GABRR1: variants seen among roughly 807,000 people sequenced by gnomAD.
GABRR1 encodes gamma-aminobutyric acid type A receptor subunit rho1.
A neutral mutation model predicts 55.5 loss-of-function variants in GABRR1; 59 were observed. The ratio of observed to expected loss-of-function variants is 1.06; its 90% CI spans 0.86 to 1.32. The LOEUF (loss-of-function observed/expected upper bound fraction) is 1.32, where lower values mean the gene tolerates loss of function less well. Among genes scored for constraint, GABRR1 ranks in the 40% most tolerant of loss-of-function variants. The probability of loss-of-function intolerance (pLI) is 0.00; values close to 1 mark genes in which losing one functional copy is unlikely to be tolerated. For synonymous variants in GABRR1, 213 were observed against 226.0 expected (o/e 0.94, Z 0.51); for missense variants, 602 against 619.1 (o/e 0.97, Z 0.29).
At chr6:89,193,392 CT>C (rs59412876) in intron 5 of GABRR1, among the ~76,000 whole-genome samples, 2 of 151,342 alleles carry the variant, frequency 1.3e-5, no homozygotes, top group African/African-American at 2.4e-5. Context: ...TTAGATCTCT[CT>C]TTTTTTTTCA....
chr6:89,178,728 G>A lies in GABRR1; in HGVS notation c.*42C>T, dbSNP rs767596578. 19 of 1,519,600 alleles carry A rather than the reference G, an allele frequency of 1.3e-5. No homozygotes were observed. The highest frequency in any genetic ancestry group is 1.7e-5 in the Non-Finnish European group (19 of 1,096,234). The allele number at this position is 1,519,600 out of a possible 1,614,324, so 94.1% of individuals were successfully genotyped here. The stretch of plus-strand genomic sequence containing the variant: ...TTTTCATTATACAGTTATTTCTGTA[G>A]TGCATGCCATGGAAATGTGAAATTT... On this transcript the variant is annotated 3_prime_UTR_variant, in exon 10 of 10. Transcript: ENST00000454853.
At chr6:89,220,458 A>G (rs1435821882), upstream of GABRR1, among the ~76,000 whole-genome samples, 1 of 152,184 alleles carries the variant, frequency 6.6e-6, no homozygotes, top group African/African-American at 2.4e-5. Flanking sequence ...TGAGCCAACC[A>G]TGCATCCCTC....
At chr6:89,209,187 T>C (rs974559582) in intron 1 of GABRR1, among the ~76,000 whole-genome samples, 2 of 152,192 alleles carry the variant, frequency 1.3e-5, no homozygotes, top group Admixed American at 1.3e-4. Context: ...CCCTTTTTTT[T>C]CCTTGTACAT....
intron 1 of GABRR1, among the ~76,000 whole-genome samples, chr6:89,223,917 C>T (rs1443852103): frequency 6.6e-6 from 1 of 151,698 alleles, no homozygotes; most frequent in Admixed American, 6.6e-5. Context: ...GCATATGCCA[C>T]CATGCCCAGC....
Position 89,179,012 on chromosome 6 carries a change from T to C in GABRR1, c.1198A>G (p.Asn400Asp), listed in dbSNP as rs1184014807. The change falls in exon 10 of 10, where the codon AAC (asparagine) becomes GAC (aspartate). Residue 400 changes from asparagine (N) to aspartate (D), a missense_variant. This residue lies in a region of GABRR1 where 139 missense variants were observed against 141.1 expected (regional missense o/e 0.99). Coordinates refer to ENST00000454853, the MANE Select transcript of GABRR1 (RefSeq NM_002042.5). ...TCATTCACCTCCCCATCACTGTAGT[T>C]GCCGTCCAGCATCGCAGTGCGGGGC... ...PPPRTAMLDG[N>D]YSDGEVNDLD... The C allele has an allele frequency of 6.2e-7, 1 of 1,614,032 alleles. No individual in the cohort carries two copies. The highest frequency in any genetic ancestry group is 1.7e-5 in the Admixed American group (1 of 59,998).
At chr6:89,207,997 G>A (rs964808176) in intron 1 of GABRR1, among the ~76,000 whole-genome samples, 1 of 152,190 alleles carries the variant, frequency 6.6e-6, no homozygotes, top group Non-Finnish European at 1.5e-5. Context: ...AAGGGATTAG[G>A]CAATGAGATG....
intron 1 of GABRR1, among the ~76,000 whole-genome samples, chr6:89,210,601 TAC>T (rs982776173): frequency 1.3e-5 from 2 of 152,170 alleles, no homozygotes; most frequent in Non-Finnish European, 2.9e-5. Context: ...CTATTTTGCT[TAC>T]CATTGCCTCC....
intron 6 of GABRR1, 44 bp from the exon 7 acceptor site, chr6:89,185,494 A>G (rs767170089): frequency 6.4e-7 from 1 of 1,569,876 alleles, no homozygotes; most frequent in African/African-American, 1.3e-5. Flanking sequence ...TGGTGGCAAG[A>G]CAGGATGGTC....
intron 5 of GABRR1, among the ~76,000 whole-genome samples, chr6:89,192,099 G>T (rs1419074465): frequency 6.6e-6 from 1 of 151,974 alleles, no homozygotes; most frequent in Non-Finnish European, 1.5e-5. Flanking sequence ...GCCTATCTCC[G>T]ATCTCTTCCC....
rs771862846 is a variant in GABRR1 at position 89,198,150 on chromosome 6, G to A, written c.442C>T (p.Arg148Trp). ...TNNLSMTFDG[R>W]LVKKIWVPDM... Reference sequence around the variant, plus strand: ...GGGACCCAGATCTTCTTGACCAGCCGGCCGTCAAACGTCATGCTGAGGTTG... The same window carrying A: ...GGGACCCAGATCTTCTTGACCAGCCAGCCGTCAAACGTCATGCTGAGGTTG... The change falls in exon 5 of 10, where the codon CGG (arginine) becomes TGG (tryptophan). Residue 148 changes from arginine (R) to tryptophan (W), a missense_variant. Arg to Trp is a moderately radical substitution (Grantham distance 101, BLOSUM62 -3). This residue lies in a region of GABRR1 where 435 missense variants were observed against 424.2 expected (regional missense o/e 1.03). Transcript: ENST00000454853. 23 of 1,614,004 alleles carry A rather than the reference G, an allele frequency of 1.4e-5. 1 individual carries two copies. Among genetic ancestry groups the A allele is most frequent in the Middle Eastern group, 3.3e-4 (2 of 6,060 alleles).
intron 9 of GABRR1, among the ~76,000 whole-genome samples, chr6:89,179,828 G>A (rs1771661504): frequency 6.6e-6 from 1 of 152,142 alleles, no homozygotes. Context: ...AGAGTCAGGT[G>A]GGAGGAAAGA....
At chr6:89,179,902 A>T (rs1771663981) in intron 9 of GABRR1, among the ~76,000 whole-genome samples, 1 of 152,072 alleles carries the variant, frequency 6.6e-6, no homozygotes, top group Non-Finnish European at 1.5e-5. Flanking sequence ...TAGAATGAGA[A>T]ATGTTCTTCC....
At chr6:89,205,288 C>T (rs1772607134) in intron 1 of GABRR1, among the ~76,000 whole-genome samples, 1 of 152,192 alleles carries the variant, frequency 6.6e-6, no homozygotes, top group African/African-American at 2.4e-5. Flanking sequence ...GATTTGCCTC[C>T]CACTGCCAGG....
At chr6:89,216,026 C>T (rs1456829376) in intron 1 of GABRR1, among the ~76,000 whole-genome samples, 1 of 152,218 alleles carries the variant, frequency 6.6e-6, no homozygotes, top group African/African-American at 2.4e-5. Flanking sequence ...CACCAATCCA[C>T]AAGTTCCAGT....
At chr6:89,221,773 C>A (rs1280536560), upstream of GABRR1, among the ~76,000 whole-genome samples, 3 of 151,920 alleles carry the variant, frequency 2.0e-5, no homozygotes, top group Admixed American at 2.0e-4. Flanking sequence ...GGATAAGGGA[C>A]AAATAAAAAG....
intron 1 of GABRR1, among the ~76,000 whole-genome samples, chr6:89,223,767 G>GT (rs35485745): frequency 0.028 from 3,749 of 135,262 alleles, 73 homozygotes; most frequent in East Asian, 0.066. Flanking sequence ...TGCATTGTGG[G>GT]TTTTTTTTTT....
chr6:89,195,470 A>T (rs1201297308), intron 5 of GABRR1, among the ~76,000 whole-genome samples: 1 of 152,186 alleles, frequency 6.6e-6, no homozygotes, highest in Non-Finnish European at 1.5e-5. Flanking sequence ...CTCCAAAAAA[A>T]AAAAAGCTCC....
At chr6:89,205,699 G>A (rs1772618751) in intron 1 of GABRR1, 1 of 152,214 alleles carries the variant, frequency 6.6e-6, no homozygotes, top group Admixed American at 6.5e-5. Context: ...TTCAGCTAAT[G>A]GCCGAGCATC....
At position 89,180,447 on chromosome 6, in the gene GABRR1, C is replaced by T. The variant is rs772700915; in HGVS notation, c.991G>A (p.Val331Met). The T allele has an allele frequency of 1.9e-5, 31 of 1,613,870 alleles. No homozygotes were observed. The highest frequency in any genetic ancestry group is 3.3e-5 in the Admixed American group (2 of 59,978). The part of the protein sequence containing the change: ...VLTMSTIITG[V>M]NASMPRVSYI... The stretch of plus-strand genomic sequence containing the variant: ...GAGACGCGCGGCATGGAGGCATTCA[C>T]GCCCGTGATGATGGTGGACATGGTC... The change falls in exon 9 of 10, where the codon GTG becomes ATG. Residue 331 changes from valine (V) to methionine (M), a missense_variant. Val to Met is a conservative substitution (Grantham distance 21). Around this residue, in one of 3 missense-constraint regions of GABRR1, gnomAD observed 435 missense variants for 424.2 expected, o/e 1.03. Coordinates refer to ENST00000454853, the MANE Select transcript of GABRR1 (RefSeq NM_002042.5).
Sources: gnomAD v4.1 joint callset for allele counts (sites outside exome capture counted in the v4.1 genomes callset) on GRCh38, gnomAD v4.1.1 for gene constraint, gnomAD v4.1.1 regional missense constraint, MANE v1.5 for transcripts, NCBI Gene and HGNC (gene_info 2026-07-23, HGNC 2026-07-21) for gene names.